Variants in UBR4 observed in about 807,000 individuals in gnomAD.
UBR4 encodes ubiquitin protein ligase E3 component n-recognin 4.
A neutral mutation model predicts 575.6 loss-of-function variants in UBR4; 124 were observed. That is an observed-to-expected ratio of 0.22 (90% CI 0.19 to 0.25). The LOEUF is 0.25. Among genes scored for constraint, UBR4 ranks in the 10% least tolerant of loss-of-function variants. UBR4 has a pLI of 1.00. For missense variants in UBR4, 4,818 were observed against 6,478.8 expected (o/e 0.74, Z 8.80); for synonymous variants, 2,455 against 2,473.7 (o/e 0.99, Z 0.22).
rs540885452 is a variant in UBR4, at chr1:19,207,759, T to C, written c.176+2314A>G. Reference sequence around the variant, plus strand: ...AAATCCAGGAAGTCACCTGTTTTTGTATGGCTAAGAGTGGTTGAAAAAAAA... The same window carrying C: ...AAATCCAGGAAGTCACCTGTTTTTGCATGGCTAAGAGTGGTTGAAAAAAAA... On this transcript the variant is annotated intron_variant, in intron 1 of 105. Coordinates refer to ENST00000375254, the MANE Select transcript of UBR4 (RefSeq NM_020765.3). 2.0e-5 allele frequency among the ~76,000 whole-genome samples: 3 copies of C among 152,234 alleles called. No individual in the cohort carries two copies. The South Asian group carries it at 6.2e-4, about 32-fold the overall frequency.
intron 2 of UBR4, among the ~76,000 whole-genome samples, chr1:19,201,078 G>A (rs2092720698): frequency 6.6e-6 from 1 of 152,196 alleles, no homozygotes; most frequent in African/African-American, 2.4e-5. Context: ...GTTCAAGGAT[G>A]CAGTGAGCTA....
At chr1:19,132,708 C>A (rs1025154890) in intron 60 of UBR4, among the ~76,000 whole-genome samples, 1 of 146,260 alleles carries the variant, frequency 6.8e-6, no homozygotes. Flanking sequence ...AAAGCCAATT[C>A]TTTCAAATAA....
chr1:19,104,792 C>T (rs1343734334), intron 85 of UBR4, 126 bp from the exon 86 acceptor site: 2 of 1,170,120 alleles, frequency 1.7e-6, no homozygotes, highest in Admixed American at 4.2e-5. Flanking sequence ...CGAACCCTTG[C>T]AGAACTCCTT....
At position 19,124,363 on chromosome 1, in the gene UBR4, C is replaced by T. The variant is rs972127226; in HGVS notation, c.9588+178G>A. 2.5e-4 allele frequency: 187 copies of T among 751,390 alleles called. 1 individual carries two copies. Among genetic ancestry groups the T allele is most frequent in the Middle Eastern group, 1.2e-3 (3 of 2,500 alleles). 46.5% of individuals were successfully genotyped at this position (751,390 alleles called of 1,614,324 possible). A position where few individuals can be genotyped will look rare whatever the true frequency, so the allele number is the denominator to read the frequency against. On this transcript the variant is annotated intron_variant, in intron 65 of 105. Coordinates refer to ENST00000375254, the MANE Select transcript of UBR4 (RefSeq NM_020765.3). ...GGTAAAGTATGGCTTGTTTGATACA[C>T]ATCTCCCACAGTTCTACCACACAGT... is the stretch of plus-strand genomic sequence containing the variant.
At chr1:19,132,471 T>C (rs548231703) in intron 60 of UBR4, among the ~76,000 whole-genome samples, 12 of 151,832 alleles carry the variant, frequency 7.9e-5, no homozygotes, top group African/African-American at 2.7e-4. Flanking sequence ...TGTGAGCCAC[T>C]GGACCTGGCT....
rs1276312885 is a variant in UBR4 at position 19,105,204 on chromosome 1, GA to G, written c.12504-16del. ...CATCCAGGTAACTGCCACCAAGAGGGACAGGGCACTCTAGTCAAGAACTCTA... is the reference window on the plus strand; with the variant it reads ...CATCCAGGTAACTGCCACCAAGAGGGCAGGGCACTCTAGTCAAGAACTCTA... On this transcript the variant is annotated splice_polypyrimidine_tract_variant and intron_variant, in intron 84 of 105. Transcript: ENST00000375254. The G allele has an allele frequency of 1.9e-6, 3 of 1,608,336 alleles. No individual in the cohort carries two copies. The highest frequency in any genetic ancestry group is 4.5e-5 in the East Asian group (2 of 44,836).
intron 92 of UBR4, 153 bp from the exon 93 acceptor site, chr1:19,095,805 G>A (rs1161755544): frequency 2.7e-5 from 17 of 622,096 alleles, no homozygotes; most frequent in Admixed American, 8.4e-5. Context: ...CTCTTCAGGG[G>A]ACATGGTGAG....
intron 49 of UBR4, among the ~76,000 whole-genome samples, chr1:19,148,857 G>C (rs541829198): frequency 6.6e-6 from 1 of 152,178 alleles, no homozygotes; most frequent in Non-Finnish European, 1.5e-5. Context: ...TTCGTAATCC[G>C]TAACTCAAAG....
At chr1:19,176,314 G>A (rs1433934494) in intron 20 of UBR4, among the ~76,000 whole-genome samples, 2 of 146,500 alleles carry the variant, frequency 1.4e-5, no homozygotes, top group Admixed American at 6.8e-5. Flanking sequence ...GGCTGGTCTC[G>A]AACTCCTGAC....
intron 2 of UBR4, 114 bp downstream of exon 2, chr1:19,201,604 G>A (rs2092745533): frequency 2.4e-6 from 2 of 827,346 alleles, no homozygotes; most frequent in African/African-American, 1.7e-5. Flanking sequence ...GAGCAGCTTA[G>A]GAGTGCTAAA....
At chr1:19,144,692 A>C in intron 54 of UBR4, 94 bp downstream of exon 54, 2 of 1,503,530 alleles carry the variant, frequency 1.3e-6, no homozygotes, top group Non-Finnish European at 1.8e-6. Context: ...GCTTCCTCTA[A>C]ATATATTTTA....
chr1:19,129,015 C>T lies in UBR4; in HGVS notation c.8966G>A (p.Arg2989Gln), dbSNP rs201716368. Residue 2989 changes from arginine (R) to glutamine (Q), a missense_variant, in exon 61 of 106, where the codon CGA becomes CAA. Physicochemically the swap from Arg to Gln is conservative, Grantham distance 43 (BLOSUM62 1). Transcript: ENST00000375254. ...GATGGCCCGGACACCGCCAACGTTT[C>T]GTAATTGAGGCAGGGTCTGCAGTAA... Reference protein sequence around the residue: ...ERLLQTLPQLRNVGGVRAIPY... With the variant: ...ERLLQTLPQLQNVGGVRAIPY... 95 of 1,614,022 alleles carry T rather than the reference C, an allele frequency of 5.9e-5. No homozygotes were observed. In the African/African-American group the frequency reaches 6.5e-4, roughly 11 times the overall value.
At position 19,105,714 on chromosome 1, in the gene UBR4, T is replaced by C. The variant is rs1190479880; in HGVS notation, c.12503+19A>G. Reference sequence around the variant, plus strand: ...AGAGCAAGTCTAACCACGCTCCTCATCCCACTCCCAAATGGTACCTGGTAA... The same window carrying C: ...AGAGCAAGTCTAACCACGCTCCTCACCCCACTCCCAAATGGTACCTGGTAA... On this transcript the variant is annotated intron_variant, in intron 84 of 105. Coordinates refer to ENST00000375254, the MANE Select transcript of UBR4 (RefSeq NM_020765.3). 18 of 1,558,762 alleles carry C rather than the reference T, an allele frequency of 1.2e-5. No individual in the cohort carries two copies. Among genetic ancestry groups the C allele is most frequent in the Non-Finnish European group, 1.6e-5 (18 of 1,157,668 alleles).
Position 19,095,614 on chromosome 1 carries a change from T to A in UBR4, c.13557A>T (p.Lys4519Asn), listed in dbSNP as rs1267457201. The A allele has an allele frequency of 6.2e-7, 1 of 1,613,976 alleles. No homozygotes were observed. Among genetic ancestry groups the A allele is most frequent in the Admixed American group, 1.7e-5 (1 of 60,002 alleles). ...LKLFSYCVKVKVNRQQLVKLE... is the reference protein window; with the variant it reads ...LKLFSYCVKVNVNRQQLVKLE... ...GTTTGACCAGTTGCTGCCGGTTGAC[T>A]TTCACCTTCACGCAGTAACTGAACA... The change falls in exon 93 of 106, where the codon AAA becomes AAT. Residue 4519 changes from lysine (K) to asparagine (N), a missense_variant. Around this residue, in one of 29 missense-constraint regions of UBR4, gnomAD observed 165 missense variants for 282.3 expected, o/e 0.58. Transcript: ENST00000375254.
chr1:19,147,189 T>C (rs897252742), intron 51 of UBR4, among the ~76,000 whole-genome samples, 189 bp from the exon 52 acceptor site: 4 of 152,200 alleles, frequency 2.6e-5, no homozygotes, highest in African/African-American at 4.8e-5. Context: ...ATACATAAAA[T>C]ATTAATGTCA....
At chr1:19,116,328 C>T (rs2080521052) in intron 73 of UBR4, among the ~76,000 whole-genome samples, 1 of 152,184 alleles carries the variant, frequency 6.6e-6, no homozygotes. Context: ...CTACCAGTAG[C>T]TCTGCTGACT....
At chr1:19,160,364 G>A (rs2087136133) in intron 38 of UBR4, 83 bp from the exon 39 acceptor site, 1 of 1,307,228 alleles carries the variant, frequency 7.6e-7, no homozygotes, top group Non-Finnish European at 1.0e-6. Flanking sequence ...CATCTTGCCA[G>A]TAACTTCCTT....
chr1:19,201,919 T>C (rs2092762986), intron 1 of UBR4, 104 bp from the exon 2 acceptor site: 3 of 960,166 alleles, frequency 3.1e-6, no homozygotes, highest in African/African-American at 3.3e-5. Context: ...ACCTGGTAGA[T>C]AGTATCATCA....
intron 103 of UBR4, 89 bp downstream of exon 103, chr1:19,081,260 C>A (rs1422915990): frequency 1.7e-6 from 2 of 1,181,590 alleles, no homozygotes; most frequent in East Asian, 4.7e-5. Flanking sequence ...CAAAGCATGC[C>A]TTCACCTAGC....
Sources: gnomAD v4.1 joint callset for allele counts (sites outside exome capture counted in the v4.1 genomes callset) on GRCh38, gnomAD v4.1.1 for gene constraint, gnomAD v4.1.1 regional missense constraint, MANE v1.5 for transcripts, NCBI Gene and HGNC (gene_info 2026-07-23, HGNC 2026-07-21) for gene names.